Variants in ADGRB3 observed in about 807,000 individuals in gnomAD.
The protein encoded by ADGRB3 is brain-specific angiogenesis inhibitor 3.
In ADGRB3, 37 loss-of-function variants were observed where a neutral mutation model predicts 193.4. The ratio of observed to expected loss-of-function variants is 0.19; its 90% CI spans 0.15 to 0.25. The LOEUF (loss-of-function observed/expected upper bound fraction) is 0.25, where lower values mean the gene tolerates loss of function less well. ADGRB3 is among the 10% of genes least tolerant of loss of function. ADGRB3 has a pLI of 1.00. For missense variants in ADGRB3, 1,637 were observed against 1,852.9 expected, an observed-to-expected ratio of 0.88 and a Z score of 2.14; for synonymous variants, 690 against 644.2, an observed-to-expected ratio of 1.07 and a Z score of -1.08.
intron 3 of ADGRB3, among the ~76,000 whole-genome samples, chr6:68,742,895 T>C (rs1766007668): frequency 6.6e-6 from 1 of 151,928 alleles, no homozygotes; most frequent in Admixed American, 6.6e-5. Flanking sequence ...TTTTCTATTT[T>C]TTCCTAAATT....
At chr6:69,089,427 T>G (rs1772643744) in intron 17 of ADGRB3, among the ~76,000 whole-genome samples, 1 of 152,186 alleles carries the variant, frequency 6.6e-6, no homozygotes, top group Admixed American at 6.5e-5. Context: ...AATGAGTGAA[T>G]ATTTATATAA....
At chr6:68,888,195 A>T (rs1424712035) in intron 3 of ADGRB3, among the ~76,000 whole-genome samples, 1 of 152,196 alleles carries the variant, frequency 6.6e-6, no homozygotes, top group Non-Finnish European at 1.5e-5. Flanking sequence ...AAGAGAGGGT[A>T]GGAAGAAAAT....
chr6:69,074,711 A>G (rs984245157), intron 16 of ADGRB3, among the ~76,000 whole-genome samples: 1 of 151,534 alleles, frequency 6.6e-6, no homozygotes, highest in Non-Finnish European at 1.5e-5. Context: ...CGTCCTGCTA[A>G]TTTTTTTGTA....
intron 10 of ADGRB3, among the ~76,000 whole-genome samples, chr6:68,992,092 GA>G (rs1332273092): frequency 9.2e-5 from 14 of 152,106 alleles, no homozygotes; most frequent in Admixed American, 7.9e-4. Flanking sequence ...TATTGGGACA[GA>G]AAAATAAGCA....
At chr6:69,070,000 T>C (rs1772030924) in intron 16 of ADGRB3, among the ~76,000 whole-genome samples, 1 of 151,862 alleles carries the variant, frequency 6.6e-6, no homozygotes, top group Admixed American at 6.6e-5. Context: ...AGTTGAAGAG[T>C]CTTTCTCCCA....
At chr6:69,262,983 A>G (rs1261411788) in intron 20 of ADGRB3, among the ~76,000 whole-genome samples, 2 of 152,104 alleles carry the variant, frequency 1.3e-5, no homozygotes, top group East Asian at 1.9e-4. Flanking sequence ...CATTTCCGCA[A>G]AAAGGAACCA....
intron 3 of ADGRB3, among the ~76,000 whole-genome samples, chr6:68,815,424 G>T (rs1767611618): frequency 6.6e-6 from 1 of 152,098 alleles, no homozygotes. Flanking sequence ...ATTTATGAAA[G>T]AAGTCAAACA....
In ADGRB3 at chr6:69,348,213, A is replaced by C. The variant is rs79857780; in HGVS notation, c.3460-6020A>C. Among the ~76,000 whole-genome samples the C allele has an allele frequency of 1.5e-3, 232 of 152,322 alleles. 1 individual carries two copies. In the East Asian group the frequency reaches 0.037, roughly 24 times the overall value. ...AAAGCTCAGACAGAGAGTTTGTAAC[A>C]GAAATTGACAAACTCTGTCATGCCT... On this transcript the variant is annotated intron_variant, in intron 26 of 31. Transcript: ENST00000370598.
intron 17 of ADGRB3, among the ~76,000 whole-genome samples, chr6:69,171,499 G>T (rs1775270597): frequency 6.6e-6 from 1 of 152,122 alleles, no homozygotes; most frequent in Non-Finnish European, 1.5e-5. Flanking sequence ...ATGGGGTAAG[G>T]TAACTCAAAG....
At chr6:69,279,506 C>T (rs1767387466) in intron 20 of ADGRB3, among the ~76,000 whole-genome samples, 1 of 151,774 alleles carries the variant, frequency 6.6e-6, no homozygotes, top group African/African-American at 2.4e-5. Context: ...AGTAATGATG[C>T]TTTCTTGCCT....
intron 3 of ADGRB3, among the ~76,000 whole-genome samples, chr6:68,708,468 G>A (rs1223451485): frequency 1.3e-5 from 2 of 151,980 alleles, no homozygotes; most frequent in African/African-American, 2.4e-5. Flanking sequence ...CCCTGTCCTC[G>A]AGTAATCCTT....
chr6:69,202,676 C>CTATGTAGG (rs1765452088), intron 17 of ADGRB3, among the ~76,000 whole-genome samples: 1 of 152,102 alleles, frequency 6.6e-6, no homozygotes, highest in East Asian at 1.9e-4. Flanking sequence ...TGAGGGTTGA[C>CTATGTAGG]TATGTAGGTA....
rs1176668021 is a variant in ADGRB3 at position 68,921,736 on chromosome 6, AATAGAAGGATAGACTG to A, written c.758-8819_758-8804del. ...AAAATAATAAAATATATAATATAAG[AATAGAAGGATAGACTG>A]ATAAAGGACAGATATTATCTTCTGA... On this transcript the variant is annotated intron_variant, in intron 3 of 31. Coordinates refer to ENST00000370598, the MANE Select transcript of ADGRB3 (RefSeq NM_001704.3). 3.6e-4 allele frequency among the ~76,000 whole-genome samples: 55 copies of A among 151,778 alleles called. No individual in the cohort carries two copies. The East Asian group carries it at 0.01, about 29-fold the overall frequency.
chr6:69,356,341 G>A (rs1769336886), intron 28 of ADGRB3, among the ~76,000 whole-genome samples: 1 of 152,160 alleles, frequency 6.6e-6, no homozygotes, highest in Admixed American at 6.6e-5. Flanking sequence ...GTAAGAATCA[G>A]GAGGCATTCA....
At chr6:68,958,438 TGA>T (rs564189644) in intron 8 of ADGRB3, among the ~76,000 whole-genome samples, 59 of 152,274 alleles carry the variant, frequency 3.9e-4, no homozygotes, top group African/African-American at 1.4e-3. Context: ...CTTCAATATT[TGA>T]TGTTATCTAA....
intron 20 of ADGRB3, among the ~76,000 whole-genome samples, chr6:69,320,439 A>G (rs1033925372): frequency 2.0e-5 from 3 of 151,486 alleles, no homozygotes; most frequent in Non-Finnish European, 4.4e-5. Flanking sequence ...TTTGCTATCC[A>G]TCAGTTCTTT....
chr6:69,370,353 T>C (rs1301588750), intron 29 of ADGRB3, among the ~76,000 whole-genome samples: 1 of 152,148 alleles, frequency 6.6e-6, no homozygotes, highest in Non-Finnish European at 1.5e-5. Context: ...TAAAAATCTG[T>C]CATTTTTTCC....
At chr6:68,834,895 C>T (rs562167) in intron 3 of ADGRB3, among the ~76,000 whole-genome samples, 100,741 of 152,024 alleles carry the variant, frequency 0.66, 34,659 homozygotes, top group Middle Eastern at 0.79. Flanking sequence ...CTTTAAGTTT[C>T]GGTCAAATTG....
At chr6:69,297,368 T>TTCTCTCTCTCTCTCTCTCTCTC in intron 20 of ADGRB3, among the ~76,000 whole-genome samples, 1 of 97,642 alleles carries the variant, frequency 1.0e-5, no homozygotes, top group Middle Eastern at 6.8e-3. Flanking sequence ...CTCTCTCTCT[T>TTCTCTCTCTCTCTCTCTCTCTC]TCTCTCTCTC....
Sources: gnomAD v4.1 joint callset for allele counts (sites outside exome capture counted in the v4.1 genomes callset) on GRCh38, gnomAD v4.1.1 for gene constraint, MANE v1.5 for transcripts, NCBI Gene and HGNC (gene_info 2026-07-23, HGNC 2026-07-21) for gene names.